Variants in KCNIP1 observed in about 807,000 individuals in gnomAD.
The protein encoded by KCNIP1 is A-type potassium channel modulatory protein KCNIP1.
A neutral mutation model predicts 33.0 loss-of-function variants in KCNIP1; 18 were observed. The ratio of observed to expected loss-of-function variants is 0.55; its 90% CI spans 0.38 to 0.81. The LOEUF is 0.81. KCNIP1 is among the 30% of genes least tolerant of loss of function. The pLI is 0.00. For missense variants in KCNIP1, 238 were observed against 271.6 expected (o/e 0.88, Z 0.87); for synonymous variants, 93 against 98.3 (o/e 0.95, Z 0.32).
chr5:170,669,721 G>T (rs1189634421), intron 1 of KCNIP1: 19 of 860,880 alleles, frequency 2.2e-5, no homozygotes, highest in Non-Finnish European at 2.4e-5. Context: ...TTTATTTTAG[G>T]TCATAATTAA....
intron 1 of KCNIP1, among the ~76,000 whole-genome samples, chr5:170,589,777 GGTGTGATGTGATGTGGT>G (rs1321034290): frequency 7.6e-5 from 11 of 144,068 alleles, no homozygotes; most frequent in African/African-American, 3.0e-4. Flanking sequence ...GGTGTGGTGT[GGTGTGATGTGATGTGGT>G]GTGCGGTGCG....
At chr5:170,512,154 T>TGG (rs1202459486) in intron 1 of KCNIP1, among the ~76,000 whole-genome samples, 4 of 152,372 alleles carry the variant, frequency 2.6e-5, no homozygotes, top group African/African-American at 9.6e-5. Context: ...TAATCATTTA[T>TGG]GTGAACTAAA....
In KCNIP1 at chr5:170,625,524, CACAGTGCTATCT is replaced by C. The variant is rs1759788639; in HGVS notation, c.62-93231_62-93220del. On this transcript the variant is annotated intron_variant, in intron 1 of 7. Coordinates refer to ENST00000328939, the MANE Select transcript of KCNIP1 (RefSeq NM_014592.4). Reference sequence around the variant, plus strand: ...TCTATGGAAGGGAAGGAGAAAAATTCACAGTGCTATCTACTCCTCTGAATGCACTCCCACCAA... The same window carrying C: ...TCTATGGAAGGGAAGGAGAAAAATTCACTCCTCTGAATGCACTCCCACCAA... Among the ~76,000 whole-genome samples, 4 of 152,324 alleles carry C rather than the reference CACAGTGCTATCT, an allele frequency of 2.6e-5. No homozygotes were observed. In the South Asian group the frequency reaches 8.3e-4, roughly 32 times the overall value.
At chr5:170,498,472 G>C (rs1283118691) in intron 1 of KCNIP1, among the ~76,000 whole-genome samples, 2 of 152,072 alleles carry the variant, frequency 1.3e-5, no homozygotes, top group South Asian at 4.1e-4. Flanking sequence ...TTCACACAAG[G>C]TGATACCTGG....
chr5:170,520,677 C>G (rs17649721), intron 1 of KCNIP1, among the ~76,000 whole-genome samples: 7,994 of 152,182 alleles, frequency 0.053, 252 homozygotes, highest in East Asian at 0.072. Flanking sequence ...TTTGCTTTAC[C>G]TCCGCCTGAG....
intron 1 of KCNIP1, 59 bp from the exon 2 acceptor site, chr5:170,718,699 T>C (rs1315260630): frequency 6.2e-7 from 1 of 1,605,606 alleles, no homozygotes; most frequent in East Asian, 2.2e-5. Context: ...CCCAGATTGT[T>C]ACCTAACAAG....
At chr5:170,693,592 C>A (rs1762798249) in intron 1 of KCNIP1, among the ~76,000 whole-genome samples, 1 of 152,196 alleles carries the variant, frequency 6.6e-6, no homozygotes, top group Non-Finnish European at 1.5e-5. Flanking sequence ...CTTCCCACGT[C>A]TCTGCCTTTA....
chr5:170,400,790 C>T lies in KCNIP1; in HGVS notation c.88+46826C>T, dbSNP rs997829250. On this transcript the variant is annotated intron_variant, in intron 1 of 7. Coordinates refer to the KCNIP1 transcript ENST00000377360. The stretch of plus-strand genomic sequence containing the variant: ...AAACCCCCATTCCTTCTTGTCTGAG[C>T]AGTGTGGTCCAAACAGAACTTTCTG... Among the ~76,000 whole-genome samples the T allele has an allele frequency of 3.3e-5, 5 of 152,210 alleles. No homozygotes were observed. In the East Asian group the frequency reaches 9.6e-4, roughly 29 times the overall value.
At chr5:170,644,178 T>A (rs1760694166) in intron 1 of KCNIP1, among the ~76,000 whole-genome samples, 1 of 152,184 alleles carries the variant, frequency 6.6e-6, no homozygotes, top group African/African-American at 2.4e-5. Flanking sequence ...AGTGCCACCT[T>A]CATCCCATTC....
intron 1 of KCNIP1, among the ~76,000 whole-genome samples, chr5:170,528,706 G>A (rs1755674054): frequency 6.6e-6 from 1 of 152,170 alleles, no homozygotes; most frequent in African/African-American, 2.4e-5. Context: ...GGCCTATTCT[G>A]GGACCTCAAA....
At chr5:170,719,090 G>A (rs1000837564) in intron 2 of KCNIP1, among the ~76,000 whole-genome samples, 1 of 151,942 alleles carries the variant, frequency 6.6e-6, no homozygotes, top group African/African-American at 2.4e-5. Context: ...GACAGTAAAC[G>A]GCCAACTGCC....
intron 1 of KCNIP1, among the ~76,000 whole-genome samples, chr5:170,461,438 G>A (rs191267538): frequency 6.6e-6 from 1 of 152,246 alleles, no homozygotes; most frequent in East Asian, 1.9e-4. Context: ...CACCCAAACA[G>A]CATGGTACTG....
At chr5:170,466,788 T>C (rs1176928778) in intron 1 of KCNIP1, among the ~76,000 whole-genome samples, 1 of 152,186 alleles carries the variant, frequency 6.6e-6, no homozygotes, top group African/African-American at 2.4e-5. Flanking sequence ...GACTCCACCC[T>C]CATGACTTAA....
chr5:170,494,175 A>G (rs972457652), intron 1 of KCNIP1, among the ~76,000 whole-genome samples: 8 of 152,128 alleles, frequency 5.3e-5, no homozygotes, highest in Non-Finnish European at 5.9e-5. Flanking sequence ...ACCCTGCTCA[A>G]TGCTCATCTG....
rs746244420 is a variant in KCNIP1 at position 170,411,519 on chromosome 5, G to A, written c.88+57555G>A. Among the ~76,000 whole-genome samples, 5 of 152,200 alleles carry A rather than the reference G, an allele frequency of 3.3e-5. No homozygotes were observed. In the South Asian group the frequency reaches 8.3e-4, roughly 25 times the overall value. On this transcript the variant is annotated intron_variant, in intron 1 of 7. Transcript: ENST00000377360. Reference sequence around the variant, plus strand: ...CAGTGGCTCTGTGTCAACCTGGAAGGCTTCTTGGAGGTGGTGATGTCTAGT... The same window carrying A: ...CAGTGGCTCTGTGTCAACCTGGAAGACTTCTTGGAGGTGGTGATGTCTAGT...
intron 1 of KCNIP1, among the ~76,000 whole-genome samples, chr5:170,579,013 T>G (rs568775453): frequency 6.6e-6 from 1 of 152,254 alleles, no homozygotes; most frequent in South Asian, 2.1e-4. Context: ...CAGGAGTAAG[T>G]GTATCAGTCA....
At chr5:170,579,001 G>T (rs747129439) in intron 1 of KCNIP1, among the ~76,000 whole-genome samples, 1 of 152,162 alleles carries the variant, frequency 6.6e-6, no homozygotes, top group Non-Finnish European at 1.5e-5. Flanking sequence ...TCTGGAAAAT[G>T]GCAGGAGTAA....
intron 1 of KCNIP1, among the ~76,000 whole-genome samples, chr5:170,648,785 T>G (rs1040539249): frequency 2.6e-5 from 4 of 152,200 alleles, no homozygotes; most frequent in Admixed American, 2.6e-4. Context: ...TCATTGTAGA[T>G]TCCTCAGTTA....
intron 1 of KCNIP1, among the ~76,000 whole-genome samples, chr5:170,429,982 G>A (rs1461839858): frequency 6.6e-6 from 1 of 152,122 alleles, no homozygotes; most frequent in Non-Finnish European, 1.5e-5. Context: ...TTGATCTCAG[G>A]TTTACTTATT....
Sources: allele counts gnomAD v4.1 joint callset (sites outside exome capture counted in the v4.1 genomes callset), GRCh38; gene constraint gnomAD v4.1.1; transcripts MANE v1.5; gene names NCBI Gene and HGNC (gene_info 2026-07-23, HGNC 2026-07-21).